The following IL1RAPL2 variants were observed in gnomAD, a reference collection of about 807,000 sequenced individuals.
IL1RAPL2 encodes the protein interleukin 1 receptor accessory protein like 2.
IL1RAPL2 carries 3 observed loss-of-function variants against 44.1 expected under a neutral mutation model. The ratio of observed to expected loss-of-function variants is 0.07; its 90% CI spans 0.03 to 0.18. IL1RAPL2 has a LOEUF of 0.18. Among genes scored for constraint, IL1RAPL2 ranks in the 10% least tolerant of loss-of-function variants. The pLI is 1.00. For missense variants in IL1RAPL2, 391 were observed against 496.4 expected (o/e 0.79, Z 2.02); for synonymous variants, 181 against 178.8 (o/e 1.01, Z -0.10).
intron 2 of IL1RAPL2, among the ~76,000 whole-genome samples, chrX:105,033,460 T>C (rs1222509511): frequency 9.0e-6 from 1 of 111,499 alleles, no homozygotes; most frequent in African/African-American, 3.3e-5. Context: ...CTGTAAAGTA[T>C]TTTATTTTTC....
intron 5 of IL1RAPL2, among the ~76,000 whole-genome samples, chrX:105,374,115 CAAA>C (rs1177602549): frequency 0.064 from 2,915 of 45,268 alleles, 151 homozygotes; most frequent in African/African-American, 0.14. Context: ...GCAAGACTGT[CAAA>C]AAAAAAAAAA....
At chrX:105,045,652 A>G (rs143251855) in intron 2 of IL1RAPL2, among the ~76,000 whole-genome samples, 6 of 111,556 alleles carry the variant, frequency 5.4e-5, no homozygotes, top group Middle Eastern at 4.6e-3. Context: ...GGCTTATGCA[A>G]TCTTCCCACC....
chrX:104,918,812 C>T (rs886545724), intron 2 of IL1RAPL2, among the ~76,000 whole-genome samples: 13 of 111,650 alleles, frequency 1.2e-4, no homozygotes, highest in Non-Finnish European at 9.4e-5. Context: ...TCTGGAAGCC[C>T]GTATACTATT....
chrX:105,245,307 A>G (rs1425838136), intron 4 of IL1RAPL2, among the ~76,000 whole-genome samples: 2 of 111,796 alleles, frequency 1.8e-5, no homozygotes, highest in Non-Finnish European at 3.8e-5. Context: ...TGTTTGAAAT[A>G]TGCTATGGTA....
At chrX:104,865,922 G>C (rs1264718839) in intron 2 of IL1RAPL2, among the ~76,000 whole-genome samples, 2 of 112,129 alleles carry the variant, frequency 1.8e-5, no homozygotes, top group African/African-American at 6.5e-5. Context: ...TTGTGATCCT[G>C]TCAGTCAATT....
intron 1 of IL1RAPL2, among the ~76,000 whole-genome samples, chrX:104,629,294 T>G (rs950229651): frequency 8.0e-5 from 9 of 111,958 alleles, no homozygotes; most frequent in African/African-American, 2.6e-4. Flanking sequence ...TTGAGCAGTT[T>G]TTTTCATATA....
intron 2 of IL1RAPL2, among the ~76,000 whole-genome samples, chrX:105,188,563 G>A (rs999651665): frequency 1.8e-5 from 2 of 111,285 alleles, no homozygotes; most frequent in Non-Finnish European, 3.8e-5. Flanking sequence ...ATAATGAGAG[G>A]GAAATGAAAA....
chrX:104,884,138 G>A (rs189685147), intron 2 of IL1RAPL2, among the ~76,000 whole-genome samples: 1 of 108,537 alleles, frequency 9.2e-6, no homozygotes, highest in Non-Finnish European at 1.9e-5. Flanking sequence ...AGAATGCATT[G>A]GTAAGGGCCA....
At chrX:104,898,235 A>C (rs5916838) in intron 2 of IL1RAPL2, among the ~76,000 whole-genome samples, 1 of 110,388 alleles carries the variant, frequency 9.1e-6, no homozygotes, top group Non-Finnish European at 1.9e-5. Flanking sequence ...TCGGTAAAAC[A>C]ATAGTGGGAT....
chrX:104,935,912 C>G (rs1451805505), intron 2 of IL1RAPL2, among the ~76,000 whole-genome samples: 1 of 111,378 alleles, frequency 9.0e-6, no homozygotes, highest in East Asian at 2.8e-4. Flanking sequence ...TCTGTTTTCT[C>G]AAGTTTTGTC....
chrX:105,626,560 A>G (rs1345557825), intron 6 of IL1RAPL2, among the ~76,000 whole-genome samples: 1 of 111,159 alleles, frequency 9.0e-6, no homozygotes, highest in East Asian at 2.9e-4. Flanking sequence ...GATTTTAAAT[A>G]TAAACATGGT....
chrX:105,067,648 G>T (rs2147535935), intron 2 of IL1RAPL2, among the ~76,000 whole-genome samples: 1 of 111,910 alleles, frequency 8.9e-6, no homozygotes, highest in East Asian at 2.8e-4. Context: ...TAAAAACTAT[G>T]TCCCATTGAA....
intron 2 of IL1RAPL2, among the ~76,000 whole-genome samples, chrX:105,040,994 C>A (rs1209848390): frequency 2.0e-5 from 2 of 100,125 alleles, no homozygotes; most frequent in African/African-American, 7.6e-5. Flanking sequence ...TGGATCTTTC[C>A]TGCTTTCTCT....
intron 2 of IL1RAPL2, among the ~76,000 whole-genome samples, chrX:104,959,750 C>G (rs1360931903): frequency 9.0e-6 from 1 of 111,037 alleles, no homozygotes; most frequent in Non-Finnish European, 1.9e-5. Context: ...TTCACTCTAG[C>G]TTGACAAAAC....
intron 6 of IL1RAPL2, among the ~76,000 whole-genome samples, chrX:105,579,127 GC>G (rs1274916678): frequency 9.0e-6 from 1 of 111,622 alleles, no homozygotes; most frequent in African/African-American, 3.3e-5. Context: ...GAATATCAGT[GC>G]TAAATAGAGT....
At chrX:105,151,228 G>T (rs984353893) in intron 2 of IL1RAPL2, among the ~76,000 whole-genome samples, 1 of 111,719 alleles carries the variant, frequency 9.0e-6, no homozygotes, top group African/African-American at 3.3e-5. Flanking sequence ...GATGTAAAAG[G>T]TTTAGGAAAT....
intron 5 of IL1RAPL2, among the ~76,000 whole-genome samples, chrX:105,448,495 G>A (rs1382595467): frequency 2.7e-5 from 3 of 109,737 alleles, no homozygotes; most frequent in Non-Finnish European, 5.7e-5. Context: ...CTCCTCAGTA[G>A]CTGACATTAC....
intron 2 of IL1RAPL2, among the ~76,000 whole-genome samples, chrX:104,729,167 ATAAG>A (rs967466175): frequency 2.7e-5 from 3 of 111,996 alleles, no homozygotes; most frequent in Non-Finnish European, 3.8e-5. Flanking sequence ...AAAAAGAGTG[ATAAG>A]TAAGACATAC....
chrX:105,221,415 A>G (rs2033962512), intron 3 of IL1RAPL2, among the ~76,000 whole-genome samples: 1 of 110,773 alleles, frequency 9.0e-6, no homozygotes, highest in African/African-American at 3.3e-5. Context: ...AACAACCAAA[A>G]AAAAAAAAAA....
Sources: gnomAD v4.1 joint callset for allele counts (sites outside exome capture counted in the v4.1 genomes callset) on GRCh38, gnomAD v4.1.1 for gene constraint, MANE v1.5 for transcripts, NCBI Gene and HGNC (gene_info 2026-07-23, HGNC 2026-07-21) for gene names.